CDH13: variants seen among roughly 807,000 people sequenced by gnomAD.
CDH13 encodes the protein cadherin-13.
CDH13 carries 24 observed loss-of-function variants against 63.8 expected under a neutral mutation model. That is an observed-to-expected ratio of 0.38 (90% CI 0.27 to 0.53). The LOEUF is 0.53. Among genes scored for constraint, CDH13 ranks in the 20% least tolerant of loss-of-function variants. The probability of loss-of-function intolerance (pLI) is 0.85; values close to 1 mark genes in which losing one functional copy is unlikely to be tolerated. For missense variants in CDH13, 1,049 were observed against 903.1 expected, an observed-to-expected ratio of 1.16 and a Z score of -2.07; for synonymous variants, 503 against 355.3, an observed-to-expected ratio of 1.42 and a Z score of -4.67.
rs1567810672 is a variant in CDH13 at position 83,080,887 on chromosome 16, T to TTTTTG, written c.367-44494_367-44493insGTTTT. ...TGTTTTTGTGTTTTTTTTTTTTTTT[T>TTTTTG]TTTTTTTTTTTGAGACAGAGTTTTG... is the stretch of plus-strand genomic sequence containing the variant. On this transcript the variant is annotated intron_variant, in intron 3 of 13. Coordinates refer to ENST00000567109, the MANE Select transcript of CDH13 (RefSeq NM_001257.5). 1.1e-4 allele frequency among the ~76,000 whole-genome samples: 13 copies of TTTTTG among 118,796 alleles called. 1 individual carries two copies. Among genetic ancestry groups the TTTTTG allele is most frequent in the African/African-American group, 4.1e-4 (13 of 31,940 alleles). 77.9% of individuals were successfully genotyped at this position (118,796 alleles called of 152,430 possible). A position where few individuals can be genotyped will look rare whatever the true frequency, so the allele number is the denominator to read the frequency against.
intron 1 of CDH13, among the ~76,000 whole-genome samples, chr16:82,707,661 C>T (rs968223674): frequency 1.3e-5 from 2 of 152,178 alleles, no homozygotes; most frequent in Admixed American, 6.5e-5. Context: ...TTAGCTCCAA[C>T]ATGGTTTTGG....
At chr16:83,057,374 G>A (rs939035390) in intron 3 of CDH13, among the ~76,000 whole-genome samples, 1 of 152,176 alleles carries the variant, frequency 6.6e-6, no homozygotes, top group Non-Finnish European at 1.5e-5. Context: ...TCATGACAGA[G>A]TTGTATGTCT....
intron 5 of CDH13, among the ~76,000 whole-genome samples, chr16:83,327,148 G>C (rs1005694177): frequency 2.0e-5 from 3 of 152,168 alleles, no homozygotes. Flanking sequence ...TTTGTATTAA[G>C]TTCTACTTGC....
chr16:83,212,906 C>G (rs1567510791), intron 4 of CDH13, among the ~76,000 whole-genome samples: 7 of 152,172 alleles, frequency 4.6e-5, no homozygotes, highest in Admixed American at 3.3e-4. Flanking sequence ...ACCAATTAGT[C>G]TAGAGAAAGC....
intron 2 of CDH13, among the ~76,000 whole-genome samples, chr16:82,991,842 C>G (rs201710663): frequency 8.8e-6 from 1 of 113,114 alleles, no homozygotes; most frequent in Non-Finnish European, 1.8e-5. Context: ...AAATTTAAAA[C>G]TTTAATTCTG....
chr16:82,974,545 A>C (rs1206146182), intron 2 of CDH13, among the ~76,000 whole-genome samples: 1 of 152,176 alleles, frequency 6.6e-6, no homozygotes, highest in African/African-American at 2.4e-5. Flanking sequence ...AGAAACTGCA[A>C]ATATGTGACC....
At chr16:83,070,863 C>T (rs1280636537) in intron 3 of CDH13, among the ~76,000 whole-genome samples, 1 of 144,704 alleles carries the variant, frequency 6.9e-6, no homozygotes, top group Non-Finnish European at 1.5e-5. Flanking sequence ...CAGCCCCCCC[C>T]CCCCCAAATA....
chr16:82,816,136 G>T (rs1391617938), intron 1 of CDH13, among the ~76,000 whole-genome samples: 1 of 152,094 alleles, frequency 6.6e-6, no homozygotes, highest in Non-Finnish European at 1.5e-5. Flanking sequence ...AGCTCCCCCA[G>T]TGACCTCAGG....
chr16:82,793,560 G>C (rs567979914), intron 1 of CDH13, among the ~76,000 whole-genome samples: 3 of 152,268 alleles, frequency 2.0e-5, no homozygotes, highest in African/African-American at 7.2e-5. Flanking sequence ...ATGTCAGTCT[G>C]CCGTGTGCTT....
chr16:83,046,096 A>G (rs1917758443), intron 3 of CDH13, among the ~76,000 whole-genome samples: 1 of 152,230 alleles, frequency 6.6e-6, no homozygotes, highest in African/African-American at 2.4e-5. Context: ...TCTAGTCTCA[A>G]GGCCTAATCT....
intron 1 of CDH13, among the ~76,000 whole-genome samples, chr16:82,820,271 T>C (rs1597700344): frequency 6.6e-6 from 1 of 152,194 alleles, no homozygotes; most frequent in South Asian, 2.1e-4. Context: ...TGGCACACAA[T>C]GGGTACTGAG....
At chr16:83,176,725 A>G (rs1185272449) in intron 4 of CDH13, among the ~76,000 whole-genome samples, 2 of 152,228 alleles carry the variant, frequency 1.3e-5, no homozygotes, top group African/African-American at 4.8e-5. Flanking sequence ...GGTATATATT[A>G]TTAAAGTTTG....
chr16:83,373,540 C>G (rs958957189), intron 6 of CDH13, among the ~76,000 whole-genome samples: 1 of 152,028 alleles, frequency 6.6e-6, no homozygotes, highest in African/African-American at 2.4e-5. Context: ...TGGGCATAGG[C>G]TATGGGGATG....
intron 5 of CDH13, among the ~76,000 whole-genome samples, chr16:83,252,029 G>A (rs925317670): frequency 4.7e-5 from 7 of 150,222 alleles, no homozygotes; most frequent in African/African-American, 9.8e-5. Context: ...TTTAAGCTCC[G>A]AGATTATCCC....
Position 82,945,518 on chromosome 16 carries a change from A to G in CDH13, c.158-86492A>G, listed in dbSNP as rs545074546. Among the ~76,000 whole-genome samples the G allele has an allele frequency of 2.2e-4, 33 of 152,310 alleles. 1 individual carries two copies. Among genetic ancestry groups the G allele is most frequent in the African/African-American group, 7.7e-4 (32 of 41,578 alleles). Reference sequence around the variant, plus strand: ...TAGTTTCTACGAGGATGGAAGAACAATAACAATAATAACAAAATATCTTCT... The same window carrying G: ...TAGTTTCTACGAGGATGGAAGAACAGTAACAATAATAACAAAATATCTTCT... On this transcript the variant is annotated intron_variant, in intron 2 of 13. Coordinates refer to ENST00000567109, the MANE Select transcript of CDH13 (RefSeq NM_001257.5).
intron 8 of CDH13, among the ~76,000 whole-genome samples, chr16:83,656,441 C>G (rs993331793): frequency 1.3e-5 from 2 of 152,108 alleles, no homozygotes; most frequent in African/African-American, 2.4e-5. Flanking sequence ...CACTTACAAT[C>G]CTGGATACAG....
chr16:82,728,741 A>G (rs758999351), intron 1 of CDH13, among the ~76,000 whole-genome samples: 19 of 152,152 alleles, frequency 1.2e-4, no homozygotes, highest in Non-Finnish European at 2.6e-4. Flanking sequence ...GTCTGCATCA[A>G]CTGACTGTTT....
intron 3 of CDH13, among the ~76,000 whole-genome samples, chr16:83,094,700 T>A (rs916847268): frequency 3.3e-5 from 5 of 152,222 alleles, no homozygotes; most frequent in African/African-American, 1.2e-4. Context: ...CATCGTCCTG[T>A]ATTTTCATTG....
chr16:82,662,574 C>G (rs1444811243), intron 1 of CDH13, among the ~76,000 whole-genome samples: 1 of 152,144 alleles, frequency 6.6e-6, no homozygotes, highest in Non-Finnish European at 1.5e-5. Context: ...AAATCCATCC[C>G]CACCACTATC....
Sources: gnomAD v4.1 joint callset for allele counts (sites outside exome capture counted in the v4.1 genomes callset) on GRCh38, gnomAD v4.1.1 for gene constraint, MANE v1.5 for transcripts, NCBI Gene and HGNC (gene_info 2026-07-23, HGNC 2026-07-21) for gene names.